Variants in ADAM12 observed in about 807,000 individuals in gnomAD.
ADAM12 encodes the protein ADAM metallopeptidase domain 12, also known as disintegrin and metalloproteinase domain-containing protein 12.
In ADAM12, 70 loss-of-function variants were observed where a neutral mutation model predicts 106.4. That is an observed-to-expected ratio of 0.66 (90% CI 0.54 to 0.80). The LOEUF (loss-of-function observed/expected upper bound fraction) is 0.80. ADAM12 is among the 30% of genes least tolerant of loss of function. ADAM12 has a pLI of 0.00. For synonymous variants in ADAM12, 420 were observed against 433.5 expected, an observed-to-expected ratio of 0.97 and a Z score of 0.39; for missense variants, 1,010 against 1,171.9, an observed-to-expected ratio of 0.86 and a Z score of 2.02.
intron 3 of ADAM12, among the ~76,000 whole-genome samples, chr10:126,252,935 C>T (rs1009829913): frequency 6.6e-6 from 1 of 152,122 alleles, no homozygotes; most frequent in African/African-American, 2.4e-5. Context: ...ACAAAGGTGG[C>T]ACTTGCAACT....
chr10:126,157,076 C>T (rs540309848), intron 3 of ADAM12, among the ~76,000 whole-genome samples: 3 of 152,242 alleles, frequency 2.0e-5, no homozygotes, highest in South Asian at 2.1e-4. Flanking sequence ...GAACATGTGA[C>T]CCAAGCTAAG....
intron 1 of ADAM12, among the ~76,000 whole-genome samples, chr10:126,377,707 C>T (rs1258407151): frequency 6.6e-6 from 1 of 152,176 alleles, no homozygotes; most frequent in East Asian, 1.9e-4. Flanking sequence ...ATACTGAGAA[C>T]AATATGATGC....
chr10:126,086,029 T>C (rs1022866233), intron 11 of ADAM12, among the ~76,000 whole-genome samples: 17 of 152,316 alleles, frequency 1.1e-4, no homozygotes, highest in African/African-American at 4.1e-4. Context: ...ATTGCAGGAT[T>C]GGCAGGATTT....
At chr10:126,372,320 A>T (rs1856137983) in intron 1 of ADAM12, among the ~76,000 whole-genome samples, 1 of 152,164 alleles carries the variant, frequency 6.6e-6, no homozygotes, top group Admixed American at 6.5e-5. Flanking sequence ...GAAGACCTTA[A>T]ATTACAAAAC....
At chr10:126,085,816 C>T (rs1167055132) in intron 11 of ADAM12, among the ~76,000 whole-genome samples, 1 of 152,232 alleles carries the variant, frequency 6.6e-6, no homozygotes, top group African/African-American at 2.4e-5. Flanking sequence ...ATTTATTGAG[C>T]TCTACTATGT....
At chr10:126,205,518 C>T (rs1957779308) in intron 3 of ADAM12, among the ~76,000 whole-genome samples, 1 of 152,200 alleles carries the variant, frequency 6.6e-6, no homozygotes, top group South Asian at 2.1e-4. Flanking sequence ...TTTCTTGAAG[C>T]TCAACTCAGC....
chr10:126,262,053 CA>C (rs779089277), intron 3 of ADAM12, among the ~76,000 whole-genome samples: 9 of 152,084 alleles, frequency 5.9e-5, no homozygotes, highest in Non-Finnish European at 1.2e-4. Flanking sequence ...GAAAAGTCAT[CA>C]ATAGTATAGG....
intron 5 of ADAM12, among the ~76,000 whole-genome samples, chr10:126,133,206 A>G (rs1956339921): frequency 6.6e-6 from 1 of 152,080 alleles, no homozygotes. Context: ...GGTGGTGAAC[A>G]GTTGTCATCT....
Position 126,330,464 on chromosome 10 carries a change from G to A in ADAM12, c.134C>T (p.Ala45Val). 1 of 1,613,852 alleles carries A rather than the reference G, an allele frequency of 6.2e-7. No homozygotes were observed. Among genetic ancestry groups the A allele is most frequent in the Non-Finnish European group, 8.5e-7 (1 of 1,179,966 alleles). The stretch of plus-strand genomic sequence containing the variant: ...CCAGAGGTCCCCACTCCCAACAGAG[G>A]CACTGACAACTTCATCAGCTCTTCC... Reference protein sequence around the residue: ...NQGRADEVVSASVGSGDLWIP... With the variant: ...NQGRADEVVSVSVGSGDLWIP... The change falls in exon 2 of 23, where the codon GCC becomes GTC. Residue 45 changes from alanine to valine, a missense_variant. Physicochemically the swap from Ala to Val is moderately conservative, Grantham distance 64. Coordinates refer to ENST00000448723, the MANE Select transcript of ADAM12 (RefSeq NM_001288973.2).
intron 3 of ADAM12, among the ~76,000 whole-genome samples, chr10:126,271,283 A>G (rs957020827): frequency 2.4e-4 from 37 of 152,130 alleles, no homozygotes; most frequent in Non-Finnish European, 2.5e-4. Flanking sequence ...CTTCCTTTCC[A>G]TGATCCCACA....
chr10:126,259,403 T>C (rs1248441698), intron 3 of ADAM12, among the ~76,000 whole-genome samples: 1 of 152,240 alleles, frequency 6.6e-6, no homozygotes, highest in African/African-American at 2.4e-5. Flanking sequence ...GCTATAGCCC[T>C]TGTGGCTTAA....
At position 126,194,278 on chromosome 10, in the gene ADAM12, C is replaced by CAAAAAAAAA. The variant is rs35778124; in HGVS notation, c.261-38982_261-38974dup. On this transcript the variant is annotated intron_variant, in intron 3 of 22. Coordinates refer to ENST00000448723, the MANE Select transcript of ADAM12 (RefSeq NM_001288973.2). The stretch of plus-strand genomic sequence containing the variant: ...CAGACATCAAATAAGTTCATATGCT[C>CAAAAAAAAA]AAAAAAAAAAAAAAAAAAAAAAAGC... 5.2e-5 allele frequency among the ~76,000 whole-genome samples: 3 copies of CAAAAAAAAA among 58,068 alleles called. 1 individual carries two copies. The highest frequency in any genetic ancestry group is 1.6e-4 in the African/African-American group (3 of 18,300). The allele number at this position is 58,068 out of a possible 152,430, so 38.1% of individuals were successfully genotyped here.
At chr10:126,227,914 A>G (rs3858310) in intron 3 of ADAM12, among the ~76,000 whole-genome samples, 66,299 of 151,780 alleles carry the variant, frequency 0.44, 15,612 homozygotes, top group South Asian at 0.65. Flanking sequence ...AGCTGGCAGC[A>G]CCCCCCAGAG....
intron 3 of ADAM12, among the ~76,000 whole-genome samples, chr10:126,230,785 A>ATT (rs1463360873): frequency 6.6e-6 from 1 of 152,140 alleles, no homozygotes; most frequent in East Asian, 1.9e-4. Flanking sequence ...TGCTGCCAAT[A>ATT]TTTTTTCCAT....
chr10:126,156,996 C>T (rs1367510925), intron 3 of ADAM12, among the ~76,000 whole-genome samples: 1 of 151,060 alleles, frequency 6.6e-6, no homozygotes, highest in African/African-American at 2.4e-5. Context: ...AGACACTCTC[C>T]ACTCTTCACA....
intron 3 of ADAM12, among the ~76,000 whole-genome samples, chr10:126,182,154 G>A (rs569686685): frequency 6.6e-6 from 1 of 152,330 alleles, no homozygotes; most frequent in South Asian, 2.1e-4. Context: ...CCCTCTGCCT[G>A]GTGGCTGGTG....
intron 3 of ADAM12, among the ~76,000 whole-genome samples, chr10:126,256,646 T>C (rs1255906827): frequency 1.3e-5 from 2 of 152,182 alleles, no homozygotes; most frequent in African/African-American, 4.8e-5. Context: ...CTACTTCATT[T>C]ATCTGGACAA....
chr10:126,320,281 A>G (rs1184943821), intron 2 of ADAM12, among the ~76,000 whole-genome samples: 1 of 152,236 alleles, frequency 6.6e-6, no homozygotes, highest in East Asian at 1.9e-4. Context: ...AAGACACAAG[A>G]GCATGAGGAG....
Position 126,046,276 on chromosome 10 carries a change from T to G in ADAM12, c.1918-144A>C. 7.0e-6 allele frequency: 5 copies of G among 711,198 alleles called. No individual in the cohort carries two copies. The South Asian group carries it at 8.4e-5, about 12-fold the overall frequency. 44.1% of individuals were successfully genotyped at this position (711,198 alleles called of 1,614,324 possible). On this transcript the variant is annotated intron_variant, in intron 16 of 22. Transcript: ENST00000448723. ...TGTCTCAGTTAATACGGATGGAGCA[T>G]AACAATACATTTTATACTGGACTCA...
Sources: gnomAD v4.1 joint callset for allele counts (sites outside exome capture counted in the v4.1 genomes callset) on GRCh38, gnomAD v4.1.1 for gene constraint, MANE v1.5 for transcripts, NCBI Gene and HGNC (gene_info 2026-07-23, HGNC 2026-07-21) for gene names.